SULF2: variants seen among roughly 807,000 people sequenced by gnomAD.
SULF2 encodes the protein sulfatase 2.
SULF2 carries 52 observed loss-of-function variants against 107.7 expected under a neutral mutation model. That is an observed-to-expected ratio of 0.48 (90% CI 0.39 to 0.61). The LOEUF (loss-of-function observed/expected upper bound fraction) is 0.61, where lower values mean the gene tolerates loss of function less well. SULF2 is among the 20% of genes least tolerant of loss of function. The probability of loss-of-function intolerance (pLI) is 0.00; values close to 1 mark genes in which losing one functional copy is unlikely to be tolerated. For synonymous variants in SULF2, 460 were observed against 464.3 expected, an observed-to-expected ratio of 0.99 and a Z score of 0.12; for missense variants, 993 against 1,177.3, an observed-to-expected ratio of 0.84 and a Z score of 2.29.
rs763746351 is a variant in SULF2 at position 47,678,772 on chromosome 20, G to C, written c.1097C>G (p.Ala366Gly). 9 of 1,613,524 alleles carry C rather than the reference G, an allele frequency of 5.6e-6. No individual in the cohort carries two copies. Among genetic ancestry groups the C allele is most frequent in the African/African-American group, 1.3e-5 (1 of 74,816 alleles). Residue 366 changes from alanine to glycine, a missense_variant, in exon 8 of 21, where the codon GCC becomes GGC. By Grantham distance (60) the Ala-to-Gly change is moderately conservative (BLOSUM62 0). Coordinates refer to ENST00000688720, the MANE Select transcript of SULF2 (RefSeq NM_001387048.1). This position sits in a 1 kb window ranked among gnomAD's most constrained non-coding sequence, Gnocchi z 4.5. ...GCCTGCAATGTCCAGGATGGTGGGG[G>C]CCAGGTCAATGTTGAGGACGATGTG... is the stretch of plus-strand genomic sequence containing the variant. ...NPHIVLNIDL[A>G]PTILDIAGLD...
In SULF2 at chr20:47,690,277, T is replaced by C. The variant is rs1284508552; in HGVS notation, c.586A>G (p.Ile196Val). ...AAGAAGCTCACGCTGTCATTGGTGA[T>C]GAGGTCTGTGAGGTAATCCTGGGGG... is the stretch of plus-strand genomic sequence containing the variant. ...DYSKDYLTDL[I>V]TNDSVSFFRT... Residue 196 changes from isoleucine to valine, a missense_variant, in exon 5 of 21, where the codon ATC becomes GTC. By Grantham distance (29) the Ile-to-Val change is conservative. Transcript: ENST00000688720. The C allele has an allele frequency of 5.3e-6, 8 of 1,508,872 alleles. No individual in the cohort carries two copies. The highest frequency in any genetic ancestry group is 7.1e-6 in the Non-Finnish European group (8 of 1,122,388). The allele number at this position is 1,508,872 out of a possible 1,614,324, so 93.5% of individuals were successfully genotyped here.
At position 47,757,435 on chromosome 20, in the gene SULF2, T is replaced by C. The variant is rs2090321074; in HGVS notation, c.-72A>G. 4 of 1,468,510 alleles carry C rather than the reference T, an allele frequency of 2.7e-6. No individual in the cohort carries two copies. The highest frequency in any genetic ancestry group is 3.7e-6 in the Non-Finnish European group (4 of 1,094,822). The allele number at this position is 1,468,510 out of a possible 1,614,324, so 91.0% of individuals were successfully genotyped here. ...CAAGTTGCGTCTGTGGCTTTGTTTC[T>C]TTTCCCTCGTCCCTCTTCACTCGCA... On this transcript the variant is annotated 5_prime_UTR_variant, in exon 2 of 21. Transcript: ENST00000688720.
intron 13 of SULF2, 139 bp from the exon 14 acceptor site, chr20:47,665,432 G>T: frequency 1.5e-6 from 1 of 681,396 alleles, no homozygotes. Context: ...GGCAAGCACC[G>T]GCATGTCTGG....
At position 47,664,166 on chromosome 20, in the gene SULF2, C is replaced by T. The variant is rs10048853; in HGVS notation, c.2021G>A (p.Arg674His). The T allele has an allele frequency of 2.5e-3, 4,024 of 1,613,072 alleles. 82 individuals are homozygous for T. In the African/African-American group the frequency reaches 0.047, roughly 19 times the overall value. ...KISYHTQHKG[R>H]LKHRGSSLHP... ...CAGACTGGAGCCTCTGTGCTTGAGGCGGCCTTTGTGCTGGGTGTGGTAGCT... is the reference window on the plus strand; with the variant it reads ...CAGACTGGAGCCTCTGTGCTTGAGGTGGCCTTTGTGCTGGGTGTGGTAGCT... The change falls in exon 15 of 21, where the codon CGC becomes CAC. Residue 674 changes from arginine (R) to histidine (H), a missense_variant. Arg to His is a conservative substitution (Grantham distance 29). Around this residue, in one of 3 missense-constraint regions of SULF2, gnomAD observed 497 missense variants for 544.1 expected, o/e 0.91. Transcript: ENST00000688720.
At chr20:47,692,631 T>A (rs115194285) in intron 4 of SULF2, among the ~76,000 whole-genome samples, 1,735 of 152,152 alleles carry the variant, frequency 0.011, 36 homozygotes, top group African/African-American at 0.038. Context: ...GACAGAGTCT[T>A]GAGTATCTAA....
At chr20:47,668,884 G>A (rs1382991859) in intron 11 of SULF2, among the ~76,000 whole-genome samples, 9 of 152,288 alleles carry the variant, frequency 5.9e-5, no homozygotes, top group Non-Finnish European at 1.0e-4. Flanking sequence ...GGGACTCACC[G>A]CCCTGATTCT....
At chr20:47,776,847 C>G (rs1335101821) in intron 1 of SULF2, among the ~76,000 whole-genome samples, 1 of 152,250 alleles carries the variant, frequency 6.6e-6, no homozygotes, top group Non-Finnish European at 1.5e-5. Context: ...CTCCCAGCCA[C>G]CTGCTTAGCT....
chr20:47,670,697 A>G (rs865934912), intron 11 of SULF2, among the ~76,000 whole-genome samples: 62 of 1,812 alleles, frequency 0.034, no homozygotes, highest in East Asian at 0.05. Flanking sequence ...GCGGGGTGGG[A>G]GAACGGGGTG....
At chr20:47,738,059 T>C (rs2089787617) in intron 2 of SULF2, among the ~76,000 whole-genome samples, 1 of 152,164 alleles carries the variant, frequency 6.6e-6, no homozygotes, top group South Asian at 2.1e-4. Flanking sequence ...TGCTCTTGTT[T>C]CTCAACCAAG....
intron 3 of SULF2, 80 bp from the exon 4 acceptor site, chr20:47,702,750 G>A (rs1323765249): frequency 5.7e-6 from 8 of 1,398,988 alleles, no homozygotes; most frequent in Non-Finnish European, 7.9e-6. Context: ...TCCGAGGCCT[G>A]AGCATGCACA....
intron 3 of SULF2, among the ~76,000 whole-genome samples, chr20:47,734,104 C>A (rs910839337): frequency 6.6e-6 from 1 of 152,192 alleles, no homozygotes; most frequent in Non-Finnish European, 1.5e-5. Context: ...TCCCAGGCCC[C>A]TTTGCTGCCA....
chr20:47,737,092 G>T, intron 2 of SULF2, 150 bp from the exon 3 acceptor site: 1 of 1,188,022 alleles, frequency 8.4e-7, no homozygotes, highest in Non-Finnish European at 1.2e-6. Context: ...CTGCTGCACG[G>T]TGGGACTGTC....
chr20:47,660,738 C>T (rs189676138), intron 18 of SULF2, among the ~76,000 whole-genome samples: 6 of 152,084 alleles, frequency 3.9e-5, no homozygotes. Flanking sequence ...CTTCCAAAGC[C>T]CTGGAATCAT....
At chr20:47,672,161 C>T in intron 11 of SULF2, 37 bp downstream of exon 11, 4 of 1,568,776 alleles carry the variant, frequency 2.5e-6, no homozygotes, top group Non-Finnish European at 3.5e-6. Flanking sequence ...CATGGTCTCT[C>T]TCCTCCTGTC....
At chr20:47,695,910 G>A (rs2088360594) in intron 4 of SULF2, among the ~76,000 whole-genome samples, 1 of 152,214 alleles carries the variant, frequency 6.6e-6, no homozygotes, top group Non-Finnish European at 1.5e-5. Flanking sequence ...ACTGCGCCTG[G>A]CCGGATTTCC....
intron 3 of SULF2, among the ~76,000 whole-genome samples, chr20:47,712,297 G>T (rs1340144118): frequency 6.6e-6 from 1 of 152,064 alleles, no homozygotes; most frequent in Non-Finnish European, 1.5e-5. Flanking sequence ...CGCTCCCTAG[G>T]AGCCAAGCTC....
chr20:47,762,580 C>A (rs2090439630), intron 1 of SULF2, among the ~76,000 whole-genome samples: 2 of 152,222 alleles, frequency 1.3e-5, no homozygotes, highest in African/African-American at 4.8e-5. Flanking sequence ...CAACCAGGAC[C>A]CCCTAGAAGC....
chr20:47,676,950 G>T, intron 9 of SULF2, 128 bp downstream of exon 9: 1 of 977,172 alleles, frequency 1.0e-6, no homozygotes, highest in Non-Finnish European at 1.6e-6. Flanking sequence ...TTTGTGTTTA[G>T]GGGCCTTTGG....
At chr20:47,673,316 C>A (rs73312181) in intron 10 of SULF2, among the ~76,000 whole-genome samples, 1,822 of 152,316 alleles carry the variant, frequency 0.012, 39 homozygotes, top group African/African-American at 0.041. Context: ...GTGCCAAGCA[C>A]TGTGTGTTAA....
Sources: gnomAD v4.1 joint callset for allele counts (sites outside exome capture counted in the v4.1 genomes callset) on GRCh38, gnomAD v4.1.1 for gene constraint, gnomAD v4.1.1 regional missense constraint, Gnocchi (gnomAD v3.1) non-coding constraint, MANE v1.5 for transcripts, NCBI Gene and HGNC (gene_info 2026-07-23, HGNC 2026-07-21) for gene names.